ANKS1B: variants seen among roughly 807,000 people sequenced by gnomAD.
The protein encoded by ANKS1B is ankyrin repeat and sterile alpha motif domain containing 1B.
In ANKS1B, 36 loss-of-function variants were observed where a neutral mutation model predicts 148.3. That is an observed-to-expected ratio of 0.24 (90% confidence interval 0.19 to 0.32). ANKS1B has a LOEUF of 0.32. Among genes scored for constraint, ANKS1B ranks in the 10% least tolerant of loss-of-function variants. The pLI is 1.00. For missense variants in ANKS1B, 1,157 were observed against 1,542.6 expected, an observed-to-expected ratio of 0.75 and a Z score of 4.19; for synonymous variants, 542 against 560.8, an observed-to-expected ratio of 0.97 and a Z score of 0.47.
At chr12:99,723,237 T>C (rs557404732) in intron 8 of ANKS1B, among the ~76,000 whole-genome samples, 1 of 152,310 alleles carries the variant, frequency 6.6e-6, no homozygotes. Context: ...GACTGATAGC[T>C]GCCTAACACA....
At chr12:99,501,177 T>C (rs924773392) in intron 10 of ANKS1B, among the ~76,000 whole-genome samples, 1 of 152,188 alleles carries the variant, frequency 6.6e-6, no homozygotes, top group Admixed American at 6.5e-5. Flanking sequence ...TTCTTTATAA[T>C]GGCACAGTCA....
At chr12:99,173,525 G>A (rs1374119628) in intron 14 of ANKS1B, among the ~76,000 whole-genome samples, 1 of 151,964 alleles carries the variant, frequency 6.6e-6, no homozygotes, top group Non-Finnish European at 1.5e-5. Flanking sequence ...TAGAAGCATT[G>A]GCTGAAAATT....
intron 10 of ANKS1B, among the ~76,000 whole-genome samples, chr12:99,464,749 A>C (rs1439275260): frequency 1.3e-5 from 2 of 152,196 alleles, no homozygotes; most frequent in African/African-American, 4.8e-5. Context: ...AGAAAAAAGA[A>C]TAAAAATAAA....
chr12:99,161,770 C>T (rs755771986), intron 14 of ANKS1B, among the ~76,000 whole-genome samples: 6 of 152,210 alleles, frequency 3.9e-5, no homozygotes, highest in South Asian at 2.1e-4. Flanking sequence ...TTATAGCTGA[C>T]GGATTGTCAA....
At chr12:99,497,994 A>G (rs1479217875) in intron 10 of ANKS1B, among the ~76,000 whole-genome samples, 2 of 152,166 alleles carry the variant, frequency 1.3e-5, no homozygotes, top group African/African-American at 4.8e-5. Context: ...CTGAAGTACA[A>G]TTCTCAAATT....
Position 99,504,505 on chromosome 12 carries a change from T to C in ANKS1B, c.1409A>G (p.Glu470Gly). ...TCTTGGGGAAGGTGCCCTTGCAATT[T>C]CTAAGGAGCAAGGTTTCTTTGTAAC... The part of the protein sequence containing the change: ...TAVTKKPCSL[E>G]IARAPSPRTD... The change falls in exon 10 of 27, where the codon GAA becomes GGA. Residue 470 changes from glutamate (E) to glycine (G), a missense_variant. Physicochemically the swap from Glu to Gly is moderately conservative, Grantham distance 98. Transcript: ENST00000683438. The C allele has an allele frequency of 6.2e-7, 1 of 1,612,246 alleles. No homozygotes were observed. The highest frequency in any genetic ancestry group is 8.5e-7 in the Non-Finnish European group (1 of 1,179,354).
At chr12:99,287,937 A>C (rs2079361364) in intron 12 of ANKS1B, among the ~76,000 whole-genome samples, 1 of 152,186 alleles carries the variant, frequency 6.6e-6, no homozygotes, top group South Asian at 2.1e-4. Flanking sequence ...CAAAATAGCA[A>C]ATCTAAAAGT....
At chr12:99,898,672 G>A (rs2093475904) in intron 1 of ANKS1B, among the ~76,000 whole-genome samples, 1 of 152,126 alleles carries the variant, frequency 6.6e-6, no homozygotes, top group African/African-American at 2.4e-5. Flanking sequence ...ATGGAACAAC[G>A]ATGAAGAAAG....
intron 9 of ANKS1B, among the ~76,000 whole-genome samples, chr12:99,653,045 T>C (rs1488523128): frequency 6.6e-6 from 1 of 152,152 alleles, no homozygotes; most frequent in Non-Finnish European, 1.5e-5. Context: ...GGAAAGATTT[T>C]GTGGTAAATG....
chr12:98,787,949 A>AAT (rs928545501), intron 22 of ANKS1B, among the ~76,000 whole-genome samples: 1 of 151,614 alleles, frequency 6.6e-6, no homozygotes, highest in Admixed American at 6.6e-5. Context: ...CCAAAAAAAA[A>AAT]AAAAAGGAAG....
At chr12:99,085,243 C>A (rs951524226) in intron 15 of ANKS1B, among the ~76,000 whole-genome samples, 2 of 151,994 alleles carry the variant, frequency 1.3e-5, no homozygotes, top group Admixed American at 1.3e-4. Context: ...TCTATCGTGG[C>A]TTATATCCAC....
intron 25 of ANKS1B, among the ~76,000 whole-genome samples, chr12:98,767,584 G>A (rs1370017493): frequency 6.6e-6 from 1 of 152,220 alleles, no homozygotes; most frequent in African/African-American, 2.4e-5. Flanking sequence ...CTTTTCAGAG[G>A]AGTGAGAATT....
At chr12:99,644,875 AT>A (rs1381256905) in intron 9 of ANKS1B, among the ~76,000 whole-genome samples, 1 of 152,138 alleles carries the variant, frequency 6.6e-6, no homozygotes, top group Non-Finnish European at 1.5e-5. Context: ...GGCCTCTTGC[AT>A]TCCTTTGGTC....
At chr12:99,627,479 G>A (rs933463849) in intron 9 of ANKS1B, among the ~76,000 whole-genome samples, 3 of 152,154 alleles carry the variant, frequency 2.0e-5, no homozygotes, top group Admixed American at 6.6e-5. Context: ...AATGGAGGGC[G>A]ATTCAGAGAA....
intron 16 of ANKS1B, among the ~76,000 whole-genome samples, chr12:99,070,994 A>G: frequency 6.6e-6 from 1 of 152,148 alleles, no homozygotes; most frequent in East Asian, 1.9e-4. Context: ...GGTACATAGG[A>G]ATGGCTTTTT....
At chr12:98,865,245 A>C (rs2099618656) in intron 17 of ANKS1B, among the ~76,000 whole-genome samples, 1 of 152,094 alleles carries the variant, frequency 6.6e-6, no homozygotes, top group South Asian at 2.1e-4. Flanking sequence ...TTGCCTGACA[A>C]ATGTTTCAAG....
chr12:98,897,859 C>T (rs1016827700), intron 17 of ANKS1B, among the ~76,000 whole-genome samples: 2 of 152,186 alleles, frequency 1.3e-5, no homozygotes, highest in African/African-American at 4.8e-5. Context: ...TGTAAATATA[C>T]ACCATGGGAT....
chr12:99,622,547 G>A (rs1014777550), intron 9 of ANKS1B, among the ~76,000 whole-genome samples: 1 of 151,706 alleles, frequency 6.6e-6, no homozygotes, highest in African/African-American at 2.4e-5. Flanking sequence ...AATGACAAAG[G>A]TGACATACAA....
At chr12:99,914,885 A>G (rs1367804371) in intron 1 of ANKS1B, among the ~76,000 whole-genome samples, 1 of 152,130 alleles carries the variant, frequency 6.6e-6, no homozygotes. Flanking sequence ...TCTGCCCTTC[A>G]TCTTTCATTG....
Sources: gnomAD v4.1 joint callset for allele counts (sites outside exome capture counted in the v4.1 genomes callset) on GRCh38, gnomAD v4.1.1 for gene constraint, MANE v1.5 for transcripts, NCBI Gene and HGNC (gene_info 2026-07-23, HGNC 2026-07-21) for gene names.